The following PLXDC2 variants were observed in gnomAD, a reference collection of about 807,000 sequenced individuals.
PLXDC2 encodes plexin domain-containing protein 2.
In PLXDC2, 40 loss-of-function variants were observed where a neutral mutation model predicts 68.9. The observed-to-expected ratio is 0.58, with a 90% CI of 0.45 to 0.76. PLXDC2 has a LOEUF of 0.76. Ranked by LOEUF, PLXDC2 falls within the 30% of genes least tolerant of loss-of-function variation. PLXDC2 has a pLI of 0.00. For synonymous variants in PLXDC2, 243 were observed against 234.2 expected (o/e 1.04, Z -0.34); for missense variants, 644 against 661.9 (o/e 0.97, Z 0.30).
At chr10:20,267,189 G>A (rs1835882944) in intron 13 of PLXDC2, among the ~76,000 whole-genome samples, 1 of 152,134 alleles carries the variant, frequency 6.6e-6, no homozygotes, top group African/African-American at 2.4e-5. Context: ...TGCATAAAGC[G>A]AAAGTGGTGT....
chr10:20,214,781 G>A (rs770488413), intron 10 of PLXDC2, among the ~76,000 whole-genome samples: 11 of 152,068 alleles, frequency 7.2e-5, no homozygotes, highest in Admixed American at 6.6e-5. Flanking sequence ...TACCTTAAAC[G>A]TAGGGTGTTT....
intron 3 of PLXDC2, among the ~76,000 whole-genome samples, chr10:20,067,753 T>A (rs1836237180): frequency 6.6e-6 from 1 of 151,850 alleles, no homozygotes; most frequent in Non-Finnish European, 1.5e-5. Flanking sequence ...TCCGTGAAAC[T>A]GCTTTTCATT....
chr10:20,073,793 C>A (rs1836383661), intron 4 of PLXDC2, among the ~76,000 whole-genome samples: 1 of 151,850 alleles, frequency 6.6e-6, no homozygotes, highest in African/African-American at 2.4e-5. Context: ...ACATTATTTT[C>A]TTTCTATTTC....
intron 9 of PLXDC2, among the ~76,000 whole-genome samples, chr10:20,193,634 A>G (rs1168830691): frequency 1.3e-5 from 2 of 152,058 alleles, no homozygotes; most frequent in East Asian, 3.9e-4. Context: ...TTTCGTCTGG[A>G]TAAAAGGGGT....
intron 2 of PLXDC2, among the ~76,000 whole-genome samples, chr10:20,028,920 A>G (rs1186461514): frequency 1.3e-5 from 2 of 152,180 alleles, no homozygotes; most frequent in African/African-American, 4.8e-5. Context: ...GACTTTCGGG[A>G]CAGACATTCG....
chr10:20,012,403 C>T (rs541926234), intron 2 of PLXDC2, among the ~76,000 whole-genome samples: 1 of 143,534 alleles, frequency 7.0e-6, no homozygotes, highest in South Asian at 2.3e-4. Context: ...CTGCACCCTC[C>T]ACCTTCCAGG....
At chr10:20,226,022 G>C (rs1217783543) in intron 12 of PLXDC2, among the ~76,000 whole-genome samples, 2 of 152,134 alleles carry the variant, frequency 1.3e-5, no homozygotes, top group African/African-American at 4.8e-5. Context: ...CCAAGCCACA[G>C]ACCACACTTG....
rs555468360 is a variant in PLXDC2, at chr10:20,151,182, G to A, written c.783+3280G>A. Among the ~76,000 whole-genome samples the A allele has an allele frequency of 2.8e-4, 43 of 151,972 alleles. 1 individual carries two copies. Among genetic ancestry groups the A allele is most frequent in the Admixed American group, 2.6e-4 (4 of 15,250 alleles). ...CAAATTGTTATTTGTAAAATTTGTC[G>A]TAAGAGAGTCCCCTTGCATTTGAGG... On this transcript the variant is annotated intron_variant, in intron 6 of 13. Transcript: ENST00000377252.
rs773457623 is a variant in PLXDC2, at chr10:20,003,969, C to G, written c.324+1983C>G. On this transcript the variant is annotated intron_variant, in intron 2 of 13. Transcript: ENST00000377252. Reference sequence around the variant, plus strand: ...CTCATTGCGTGCTGGTACATTCTTTCTCAACCTGAAGTTTCAGTTCCTACT... The same window carrying G: ...CTCATTGCGTGCTGGTACATTCTTTGTCAACCTGAAGTTTCAGTTCCTACT... Among the ~76,000 whole-genome samples the G allele has an allele frequency of 9.1e-4, 138 of 152,162 alleles. 1 individual carries two copies. Among genetic ancestry groups the G allele is most frequent in the Admixed American group, 2.9e-3 (45 of 15,266 alleles).
intron 2 of PLXDC2, among the ~76,000 whole-genome samples, chr10:20,029,280 G>A (rs950675372): frequency 1.3e-5 from 2 of 151,960 alleles, no homozygotes; most frequent in African/African-American, 4.8e-5. Flanking sequence ...ATCTTACTAG[G>A]CTGCAGACTT....
At chr10:19,892,170 A>C (rs1483280774) in intron 1 of PLXDC2, among the ~76,000 whole-genome samples, 1 of 152,206 alleles carries the variant, frequency 6.6e-6, no homozygotes, top group Non-Finnish European at 1.5e-5. Flanking sequence ...AATACTTAAT[A>C]AATACTTAAA....
At chr10:19,915,543 T>C (rs961115401) in intron 1 of PLXDC2, among the ~76,000 whole-genome samples, 1 of 152,202 alleles carries the variant, frequency 6.6e-6, no homozygotes, top group Non-Finnish European at 1.5e-5. Flanking sequence ...ATTTTACCCA[T>C]AGATTTTCCT....
At position 19,975,430 on chromosome 10, in the gene PLXDC2, C is replaced by G. The variant is rs911650468; in HGVS notation, c.113-26345C>G. ...CAGAGATCGCGCCTCTGCCCTCCAG[C>G]CTGGGAGACAGAGCGAGACTCCATC... is the stretch of plus-strand genomic sequence containing the variant. On this transcript the variant is annotated intron_variant, in intron 1 of 13. Transcript: ENST00000377252. Among the ~76,000 whole-genome samples, 3 of 152,154 alleles carry G rather than the reference C, an allele frequency of 2.0e-5. No homozygotes were observed. In the South Asian group the frequency reaches 6.2e-4, roughly 32 times the overall value.
At chr10:20,222,480 A>G (rs1835225333) in intron 12 of PLXDC2, among the ~76,000 whole-genome samples, 1 of 152,356 alleles carries the variant, frequency 6.6e-6, no homozygotes, top group South Asian at 2.1e-4. Context: ...TATTAGGTCC[A>G]GTTAGAGCCT....
At chr10:20,214,504 T>C (rs1420828230) in intron 10 of PLXDC2, among the ~76,000 whole-genome samples, 2 of 152,166 alleles carry the variant, frequency 1.3e-5, no homozygotes, top group Non-Finnish European at 2.9e-5. Flanking sequence ...TGGATTTTTT[T>C]CCTCAGGGCA....
At chr10:20,115,166 C>T (rs185136399) in intron 4 of PLXDC2, among the ~76,000 whole-genome samples, 21 of 152,256 alleles carry the variant, frequency 1.4e-4, no homozygotes, top group Middle Eastern at 3.4e-3. Flanking sequence ...TACTCTTTCA[C>T]CTGTCACCGG....
At chr10:20,221,872 G>T (rs1835216469) in intron 12 of PLXDC2, among the ~76,000 whole-genome samples, 1 of 152,062 alleles carries the variant, frequency 6.6e-6, no homozygotes, top group Non-Finnish European at 1.5e-5. Context: ...TCTCTGTATT[G>T]TTGCAAAGAA....
intron 1 of PLXDC2, among the ~76,000 whole-genome samples, chr10:19,920,028 C>G (rs561259602): frequency 1.3e-5 from 2 of 152,230 alleles, no homozygotes; most frequent in Non-Finnish European, 2.9e-5. Flanking sequence ...CAACAACATT[C>G]TCACACAGCA....
chr10:20,183,100 C>T (rs1834629845), intron 9 of PLXDC2, among the ~76,000 whole-genome samples: 2 of 151,834 alleles, frequency 1.3e-5, no homozygotes, highest in African/African-American at 4.8e-5. Context: ...GAAATAAAGA[C>T]TAGGATGAAA....
Sources: allele counts gnomAD v4.1 joint callset (sites outside exome capture counted in the v4.1 genomes callset), GRCh38; gene constraint gnomAD v4.1.1; transcripts MANE v1.5; gene names NCBI Gene and HGNC (gene_info 2026-07-23, HGNC 2026-07-21).